WBP4: variants seen among roughly 807,000 people sequenced by gnomAD.
WBP4 encodes WW domain binding protein 4.
A neutral mutation model predicts 55.4 loss-of-function variants in WBP4; 37 were observed. The ratio of observed to expected loss-of-function variants is 0.67; its 90% CI spans 0.51 to 0.88. The LOEUF (loss-of-function observed/expected upper bound fraction) is 0.88. Among genes scored for constraint, WBP4 ranks in the 40% least tolerant of loss-of-function variants. WBP4 has a pLI of 0.00. For synonymous variants in WBP4, 142 were observed against 140.2 expected (o/e 1.01, Z -0.09); for missense variants, 398 against 420.8 (o/e 0.95, Z 0.47).
intron 1 of WBP4, 99 bp downstream of exon 1, chr13:41,061,774 G>C: frequency 6.3e-7 from 1 of 1,580,190 alleles, no homozygotes; most frequent in Non-Finnish European, 8.6e-7. Context: ...CCTTCGGCCG[G>C]GGGCGTGACA....
Position 41,061,653 on chromosome 13 carries a change from T to G in WBP4, c.-21T>G, listed in dbSNP as rs2138453248. 2 of 1,614,130 alleles carry G rather than the reference T, an allele frequency of 1.2e-6. No homozygotes were observed. Among genetic ancestry groups the G allele is most frequent in the Middle Eastern group, 3.3e-4 (2 of 6,058 alleles). ...AGTCTGAGTGGAACCCTGGACGACT[T>G]GCAGAGCGGCTGGCGCAGTCATGTG... is the stretch of plus-strand genomic sequence containing the variant. On this transcript the variant is annotated 5_prime_UTR_variant, in exon 1 of 10. Transcript: ENST00000379487.
intron 4 of WBP4, among the ~76,000 whole-genome samples, chr13:41,066,499 CTT>C (rs1877980618): frequency 6.6e-6 from 1 of 151,986 alleles, no homozygotes; most frequent in Admixed American, 6.5e-5. Flanking sequence ...TCAAATGTAT[CTT>C]TTCTTTTAAT....
At chr13:41,065,771 T>A (rs1253277501) in intron 4 of WBP4, among the ~76,000 whole-genome samples, 1 of 152,206 alleles carries the variant, frequency 6.6e-6, no homozygotes, top group Non-Finnish European at 1.5e-5. Flanking sequence ...AGATATTTAC[T>A]ACTAGAAGGA....
chr13:41,079,356 G>A lies in WBP4; in HGVS notation c.757-1290G>A, dbSNP rs138119557. Reference sequence around the variant, plus strand: ...GAGGCTGAGGCTGGCAGATACTTGAGGTCAGGAGTTCAAGACCAGCCTAAC... The same window carrying A: ...GAGGCTGAGGCTGGCAGATACTTGAAGTCAGGAGTTCAAGACCAGCCTAAC... On this transcript the variant is annotated intron_variant, in intron 8 of 9. Coordinates refer to ENST00000379487, the MANE Select transcript of WBP4 (RefSeq NM_007187.5). Among the ~76,000 whole-genome samples, 612 of 152,166 alleles carry A rather than the reference G, an allele frequency of 4.0e-3. 2 individuals are homozygous for A. Among genetic ancestry groups the A allele is most frequent in the Non-Finnish European group, 6.4e-3 (433 of 68,006 alleles).
At chr13:41,064,414 A>G (rs551846784) in intron 2 of WBP4, among the ~76,000 whole-genome samples, 2 of 152,292 alleles carry the variant, frequency 1.3e-5, no homozygotes, top group Admixed American at 1.3e-4. Context: ...CAGAAATGAA[A>G]TTGCTGTGTC....
chr13:41,072,700 C>G (rs1020895311), intron 6 of WBP4, 82 bp from the exon 7 acceptor site: 34 of 1,233,298 alleles, frequency 2.8e-5, no homozygotes, highest in Non-Finnish European at 3.7e-5. Context: ...GGAGGAGAGG[C>G]AAGGGTGGCT....
At chr13:41,062,112 T>TTTG in intron 1 of WBP4, 1 of 973,536 alleles carries the variant, frequency 1.0e-6, no homozygotes, top group Non-Finnish European at 1.2e-6. Context: ...TTTTTTTTTT[T>TTTG]TTTTTTTTTT....
At chr13:41,080,539 GA>G (rs1246912173) in intron 8 of WBP4, 106 bp from the exon 9 acceptor site, 2 of 821,932 alleles carry the variant, frequency 2.4e-6, no homozygotes, top group Admixed American at 3.4e-5. Flanking sequence ...TTGAGTTAGT[GA>G]ATTATTGTTT....
chr13:41,076,253 T>C lies in WBP4; in HGVS notation c.756+16T>C. On this transcript the variant is annotated intron_variant, in intron 8 of 9. Coordinates refer to ENST00000379487, the MANE Select transcript of WBP4 (RefSeq NM_007187.5). ...AAAGTTTAAGGTAGGTTTTTAAATT[T>C]TACTCTTCACATCAAATTTTTTTTT... 6.5e-7 allele frequency: 1 copy of C among 1,537,694 alleles called. No homozygotes were observed.
chr13:41,062,934 G>A (rs1271635508), intron 2 of WBP4, among the ~76,000 whole-genome samples: 1 of 151,874 alleles, frequency 6.6e-6, no homozygotes, highest in Admixed American at 6.6e-5. Flanking sequence ...ATTTCTCTGT[G>A]GCCTTTTGGG....
intron 9 of WBP4, among the ~76,000 whole-genome samples, chr13:41,081,982 A>C: frequency 6.6e-6 from 1 of 152,154 alleles, no homozygotes; most frequent in East Asian, 1.9e-4. Flanking sequence ...TGATGTGACT[A>C]ATTTACTCTT....
chr13:41,071,904 C>A (rs976700125), intron 6 of WBP4, among the ~76,000 whole-genome samples: 4 of 151,926 alleles, frequency 2.6e-5, no homozygotes, highest in Non-Finnish European at 4.4e-5. Context: ...ATTAGCCAGG[C>A]GCAGTCGCAG....
chr13:41,080,340 T>C (rs1204995635), intron 8 of WBP4, among the ~76,000 whole-genome samples: 1 of 152,142 alleles, frequency 6.6e-6, no homozygotes, highest in East Asian at 1.9e-4. Flanking sequence ...CACTGTTGGG[T>C]ATGCAAGTAA....
intron 7 of WBP4, among the ~76,000 whole-genome samples, chr13:41,074,437 T>C (rs1475699773): frequency 6.6e-6 from 1 of 152,202 alleles, no homozygotes; most frequent in African/African-American, 2.4e-5. Flanking sequence ...TGCCCAGTTA[T>C]AGCAATGTTT....
chr13:41,080,598 T>C (rs760846524), intron 8 of WBP4, 48 bp from the exon 9 acceptor site: 1 of 1,422,480 alleles, frequency 7.0e-7, no homozygotes, highest in Non-Finnish European at 9.6e-7. Flanking sequence ...TATTTTTGTC[T>C]TGGTAGTTTT....
chr13:41,061,563 G>A lies in WBP4; in HGVS notation c.-111G>A. 2 of 1,541,948 alleles carry A rather than the reference G, an allele frequency of 1.3e-6. No individual in the cohort carries two copies. The highest frequency in any genetic ancestry group is 1.8e-6 in the Non-Finnish European group (2 of 1,120,664). ...GGGGACTGAGTAAGGTGTCTGGATC[G>A]GAGGGAGGTTCGGGTGGGCATCGGG... On this transcript the variant is annotated 5_prime_UTR_variant, in exon 1 of 10. Transcript: ENST00000379487.
At chr13:41,062,770 C>T in intron 2 of WBP4, 54 bp downstream of exon 2, 2 of 1,513,446 alleles carry the variant, frequency 1.3e-6, no homozygotes, top group East Asian at 2.3e-5. Context: ...GAATGAAGTG[C>T]TCCTTTTTGA....
At chr13:41,073,667 G>C (rs1878349960) in intron 7 of WBP4, among the ~76,000 whole-genome samples, 1 of 151,962 alleles carries the variant, frequency 6.6e-6, no homozygotes, top group African/African-American at 2.4e-5. Context: ...AATTACCCGG[G>C]CGTGGTGGTG....
At chr13:41,077,842 T>C (rs1251581879) in intron 8 of WBP4, among the ~76,000 whole-genome samples, 1 of 151,996 alleles carries the variant, frequency 6.6e-6, no homozygotes, top group Admixed American at 6.6e-5. Context: ...TATACCTATA[T>C]CTATATAATA....
Sources: gnomAD v4.1 joint callset for allele counts (sites outside exome capture counted in the v4.1 genomes callset) on GRCh38, gnomAD v4.1.1 for gene constraint, MANE v1.5 for transcripts, NCBI Gene and HGNC (gene_info 2026-07-23, HGNC 2026-07-21) for gene names.